Variants in MDN1 observed in about 807,000 individuals in gnomAD.
MDN1 encodes midasin AAA ATPase 1.
In MDN1, 266 loss-of-function variants were observed where a neutral mutation model predicts 669.2. The ratio of observed to expected loss-of-function variants is 0.40; its 90% CI spans 0.36 to 0.44. The LOEUF is 0.44. Ranked by LOEUF, MDN1 falls within the 20% of genes least tolerant of loss-of-function variation. The pLI is 1.00. For synonymous variants in MDN1, 2,385 were observed against 2,457.1 expected (o/e 0.97, Z 0.87); for missense variants, 5,940 against 6,754.0 (o/e 0.88, Z 4.22).
rs546729963 is a variant in MDN1 at position 89,672,082 on chromosome 6, G to A, written c.13794+118C>T. 3.7e-5 allele frequency: 38 copies of A among 1,021,758 alleles called. No individual in the cohort carries two copies. The Middle Eastern group carries it at 1.2e-3, about 32-fold the overall frequency. 63.3% of individuals were successfully genotyped at this position (1,021,758 alleles called of 1,614,324 possible). ...TATAAATAAAGAGACCAAGTTCTTA[G>A]TGATTTTGGCACTGAGGCCTGCTCT... On this transcript the variant is annotated intron_variant, in intron 82 of 101. Coordinates refer to ENST00000369393, the MANE Select transcript of MDN1 (RefSeq NM_014611.3).
rs1816549932 is a variant in MDN1 at position 89,745,337 on chromosome 6, G to C, written c.4114C>G (p.Leu1372Val). 1 of 1,613,854 alleles carries C rather than the reference G, an allele frequency of 6.2e-7. No homozygotes were observed. The highest frequency in any genetic ancestry group is 1.3e-5 in the African/African-American group (1 of 74,882). The change falls in exon 29 of 102, where the codon CTC (leucine) becomes GTC (valine). Residue 1372 changes from leucine (L) to valine (V), a missense_variant. By Grantham distance (32) the Leu-to-Val change is conservative (BLOSUM62 1). Coordinates refer to ENST00000369393, the MANE Select transcript of MDN1 (RefSeq NM_014611.3). ...HIVWTEGMRR[L>V]AMLVGRALEF... ...AATGCCCTTCCCACTAGCATCGCGA[G>C]TCTCCGCATGCCCTCAGTCCACACG...
intron 1 of MDN1, among the ~76,000 whole-genome samples, chr6:89,809,889 T>C (rs995785523): frequency 2.0e-5 from 3 of 147,116 alleles, no homozygotes; most frequent in Non-Finnish European, 4.5e-5. Context: ...CTCATGAGGC[T>C]AGAGTTGGGG....
intron 83 of MDN1, among the ~76,000 whole-genome samples, chr6:89,670,139 C>CATATATATATATAT (rs1168606501): frequency 2.5e-4 from 12 of 48,972 alleles, no homozygotes; most frequent in East Asian, 1.7e-3. Context: ...TCCAAAAAAA[C>CATATATATATATAT]ATATATATAT....
At chr6:89,797,975 T>TC (rs1819695391) in intron 2 of MDN1, 1 of 157,482 alleles carries the variant, frequency 6.3e-6, no homozygotes. Context: ...GGTCAGGAGA[T>TC]CGAGACCATC....
intron 46 of MDN1, 90 bp downstream of exon 46, chr6:89,714,442 ATACACTAAATG>A: frequency 9.4e-7 from 1 of 1,066,676 alleles, no homozygotes; most frequent in East Asian, 2.4e-5. Context: ...TAATTTCTAT[ATACACTAAATG>A]TACGAAATCT....
In MDN1 at chr6:89,762,440, G is replaced by A. The variant is rs1817599872; in HGVS notation, c.2235C>T (p.Asn745=). Residue 745 remains asparagine, a synonymous_variant, in exon 16 of 102, where the codon AAC becomes AAT. Coordinates refer to ENST00000369393, the MANE Select transcript of MDN1 (RefSeq NM_014611.3). ...LFAQTFSKKQ[N]FTFLGHIQTC... ...TCTGAATGTGCCCCAAGAACGTAAA[G>A]TTTTGTTTCTTGGAAAATGTCTGAG... 1.2e-6 allele frequency: 2 copies of A among 1,614,052 alleles called. No individual in the cohort carries two copies.
At chr6:89,675,881 A>G in intron 77 of MDN1, 1 of 550,314 alleles carries the variant, frequency 1.8e-6, no homozygotes, top group East Asian at 3.0e-5. Flanking sequence ...AAACATTAAG[A>G]AAATCTGTCC....
At position 89,781,512 on chromosome 6, in the gene MDN1, T is replaced by C. The variant is rs532209793; in HGVS notation, c.1530A>G (p.Lys510=). The change falls in exon 10 of 102, where the codon AAA becomes AAG. Residue 510 remains lysine (K), a synonymous_variant. Transcript: ENST00000369393. ...LDIYIQLTGE[K]HHSWSDSSVG... ...CAGAACTATCACTCCAAGAGTGATG[T>C]TTCTCTCCAGTAAGTTGGATATAAA... 14 of 1,613,268 alleles carry C rather than the reference T, an allele frequency of 8.7e-6. No individual in the cohort carries two copies. In the South Asian group the frequency reaches 1.3e-4, roughly 15 times the overall value.
In MDN1 at chr6:89,711,619, C is replaced by T. The variant is rs139470698; in HGVS notation, c.7651+417G>A. 2.1e-4 allele frequency among the ~76,000 whole-genome samples: 32 copies of T among 152,210 alleles called. 1 individual carries two copies. In the East Asian group the frequency reaches 6.2e-3, roughly 29 times the overall value. On this transcript the variant is annotated intron_variant, in intron 49 of 101. Coordinates refer to ENST00000369393, the MANE Select transcript of MDN1 (RefSeq NM_014611.3). The stretch of plus-strand genomic sequence containing the variant: ...CAAGGGACAACTCCAAGTGTGACAA[C>T]ATGGAGCACTGGAACTAAAATAAGA...
chr6:89,758,869 C>T lies in MDN1; in HGVS notation c.2552G>A (p.Gly851Asp), dbSNP rs1416088425. The change falls in exon 18 of 102, where the codon GGT becomes GAT. Residue 851 changes from glycine (G) to aspartate (D), a missense_variant. Around this residue, in one of 5 missense-constraint regions of MDN1, gnomAD observed 1,203 missense variants for 1,268.9 expected, o/e 0.95. Transcript: ENST00000369393. ...GGATCCAGAAGATCCTTCAAGCAAA[C>T]CACTCAGACATTCTAGTATTTCTGG... ...AAPEILECLS[G>D]LLEGSSGSLV... is the part of the protein sequence containing the mutation. 9.3e-6 allele frequency: 15 copies of T among 1,614,054 alleles called. No homozygotes were observed. Among genetic ancestry groups the T allele is most frequent in the Non-Finnish European group, 1.2e-5 (14 of 1,180,028 alleles).
chr6:89,803,643 G>T (rs1252612127), intron 1 of MDN1, 89 bp from the exon 2 acceptor site: 2 of 929,140 alleles, frequency 2.2e-6, no homozygotes, highest in South Asian at 1.6e-5. Flanking sequence ...GTGCAGTGGT[G>T]CAATCTCAGC....
intron 90 of MDN1, 152 bp downstream of exon 90, chr6:89,658,057 G>C: frequency 1.1e-6 from 1 of 878,600 alleles, no homozygotes; most frequent in Non-Finnish European, 1.7e-6. Flanking sequence ...GTTGCTTAAA[G>C]AATGAGATGT....
At chr6:89,795,176 C>T (rs961105407) in intron 2 of MDN1, among the ~76,000 whole-genome samples, 4 of 152,220 alleles carry the variant, frequency 2.6e-5, no homozygotes, top group South Asian at 2.1e-4. Flanking sequence ...GTGTTTACAA[C>T]GGAAAAGGCA....
chr6:89,661,478 C>T lies in MDN1; in HGVS notation c.14666G>A (p.Ser4889Asn). The part of the protein sequence containing the change: ...LDLPDDLNLD[S>N]EDKNGGEDTD... ...GTCCTCACCACCATTCTTGTCTTCA[C>T]TGTCGAGGTTCAAGTCATCTGGAAG... The change falls in exon 88 of 102, where the codon AGT becomes AAT. Residue 4889 changes from serine (S) to asparagine (N), a missense_variant. This residue lies in a region of MDN1 where 2,280 missense variants were observed against 2,576.3 expected (regional missense o/e 0.88). Coordinates refer to ENST00000369393, the MANE Select transcript of MDN1 (RefSeq NM_014611.3). 1 of 1,614,172 alleles carries T rather than the reference C, an allele frequency of 6.2e-7. No homozygotes were observed. The highest frequency in any genetic ancestry group is 8.5e-7 in the Non-Finnish European group (1 of 1,180,016).
chr6:89,765,867 G>A (rs545226523), intron 15 of MDN1, among the ~76,000 whole-genome samples: 1 of 152,168 alleles, frequency 6.6e-6, no homozygotes, highest in Non-Finnish European at 1.5e-5. Flanking sequence ...TCAAAACAGT[G>A]CCTGGCACAT....
chr6:89,728,951 T>C lies in MDN1; in HGVS notation c.5329A>G (p.Ile1777Val). ...CTTACCGTTTGCTCTGATAAGTTGA[T>C]TCTAACAAGGGTATTTCCTGAAGCC... is the stretch of plus-strand genomic sequence containing the variant. ...AKASGNTLVRINLSEQTDITD... is the reference protein window; with the variant it reads ...AKASGNTLVRVNLSEQTDITD... The change falls in exon 36 of 102, where the codon ATC (isoleucine) becomes GTC (valine). Residue 1777 changes from isoleucine to valine, a missense_variant. Physicochemically the swap from Ile to Val is conservative, Grantham distance 29 (BLOSUM62 3). Around this residue, in one of 5 missense-constraint regions of MDN1, gnomAD observed 2,292 missense variants for 2,638.3 expected, o/e 0.87. Transcript: ENST00000369393. 2 of 1,614,050 alleles carry C rather than the reference T, an allele frequency of 1.2e-6. No individual in the cohort carries two copies. The highest frequency in any genetic ancestry group is 1.7e-6 in the Non-Finnish European group (2 of 1,179,988).
At chr6:89,767,553 T>C (rs1817858288) in intron 15 of MDN1, among the ~76,000 whole-genome samples, 1 of 151,514 alleles carries the variant, frequency 6.6e-6, no homozygotes, top group Non-Finnish European at 1.5e-5. Flanking sequence ...AGGTCAGGAG[T>C]TCGAGACCAG....
intron 64 of MDN1, among the ~76,000 whole-genome samples, 180 bp from the exon 65 acceptor site, chr6:89,690,323 T>C (rs1584196997): frequency 6.6e-6 from 1 of 152,156 alleles, no homozygotes; most frequent in Non-Finnish European, 1.5e-5. Flanking sequence ...CTGTAATCCC[T>C]GTGCTTTGGG....
Position 89,819,685 on chromosome 6 carries a change from G to A in MDN1, c.-78C>T, listed in dbSNP as rs934304601. On this transcript the variant is annotated 5_prime_UTR_variant, in exon 1 of 102. Transcript: ENST00000369393. ...GCGTCCCCAAGCCGCCGAGGTCCCAGTGCCCGAGCAGCCAGCAACTACGCC... is the reference window on the plus strand; with the variant it reads ...GCGTCCCCAAGCCGCCGAGGTCCCAATGCCCGAGCAGCCAGCAACTACGCC... The A allele has an allele frequency of 1.1e-5, 13 of 1,228,494 alleles. No individual in the cohort carries two copies. The highest frequency in any genetic ancestry group is 5.2e-5 in the Admixed American group (3 of 57,640). 76.1% of individuals were successfully genotyped at this position (1,228,494 alleles called of 1,614,324 possible). A position where few individuals can be genotyped will look rare whatever the true frequency, so the allele number is the denominator to read the frequency against.
Sources: allele counts gnomAD v4.1 joint callset (sites outside exome capture counted in the v4.1 genomes callset), GRCh38; gene constraint gnomAD v4.1.1; regional missense constraint gnomAD v4.1.1; transcripts MANE v1.5; gene names NCBI Gene and HGNC (gene_info 2026-07-23, HGNC 2026-07-21).